The following RPSA2 variants were observed in gnomAD, a reference collection of about 807,000 sequenced individuals.
RPSA2 encodes the protein ribosomal protein SA 2, also known as small ribosomal subunit protein uS2B.
the RPSA2 span, among the ~76,000 whole-genome samples, chr19:23,769,125 C>T: frequency 6.6e-6 from 1 of 152,232 alleles, no homozygotes; most frequent in Non-Finnish European, 1.5e-5. Flanking sequence ...CTGTGTGACT[C>T]TCTTCTCCCT....
At chr19:23,829,966 G>A in the RPSA2 span, among the ~76,000 whole-genome samples, 1 of 151,486 alleles carries the variant, frequency 6.6e-6, no homozygotes, top group Admixed American at 6.6e-5. Context: ...GTTATTTTCA[G>A]TAAAAGGAAC....
chr19:23,823,887 C>T, the RPSA2 span: 1 of 152,372 alleles, frequency 6.6e-6, no homozygotes, highest in Middle Eastern at 3.4e-3. Context: ...ATGGGTCTCT[C>T]CTGGCTTGGG....
chr19:23,822,176 G>T, the RPSA2 span, among the ~76,000 whole-genome samples: 1 of 152,148 alleles, frequency 6.6e-6, no homozygotes, highest in South Asian at 2.1e-4. Flanking sequence ...TCCTTATATT[G>T]ATTGCCTTTT....
At chr19:23,851,117 A>AG in the RPSA2 span, among the ~76,000 whole-genome samples, 1 of 152,210 alleles carries the variant, frequency 6.6e-6, no homozygotes, top group African/African-American at 2.4e-5. Flanking sequence ...CAAGTAGCCC[A>AG]AATAAAGCCT....
chr19:23,828,097 A>T, the RPSA2 span: 21 of 596,316 alleles, frequency 3.5e-5, no homozygotes, highest in East Asian at 5.6e-4. Context: ...TGGTTGATGG[A>T]AAATAAACAT....
the RPSA2 span, among the ~76,000 whole-genome samples, chr19:23,809,998 T>C: frequency 6.6e-6 from 1 of 151,842 alleles, no homozygotes; most frequent in South Asian, 2.1e-4. Context: ...GCCCCCCCAA[T>C]GTGATAGAAT....
At chr19:23,761,245 AATTTT>A in the RPSA2 span, among the ~76,000 whole-genome samples, 2 of 151,872 alleles carry the variant, frequency 1.3e-5, no homozygotes, top group African/African-American at 4.8e-5. Context: ...ACACAAGGCC[AATTTT>A]CTAAATTTTT....
chr19:23,846,999 T>G, the RPSA2 span, among the ~76,000 whole-genome samples: 1 of 152,178 alleles, frequency 6.6e-6, no homozygotes, highest in African/African-American at 2.4e-5. Context: ...TGATAATTTT[T>G]GTTTAGTCAC....
At chr19:23,764,860 A>T in the RPSA2 span, among the ~76,000 whole-genome samples, 1 of 151,784 alleles carries the variant, frequency 6.6e-6, no homozygotes, top group African/African-American at 2.4e-5. Context: ...CACACACCCT[A>T]CTAGTACGTC....
the RPSA2 span, among the ~76,000 whole-genome samples, chr19:23,812,468 T>G: frequency 1.3e-5 from 2 of 149,870 alleles, no homozygotes; most frequent in East Asian, 4.0e-4. Flanking sequence ...GTATCTCGGC[T>G]CACTGCAACC....
At chr19:23,835,845 G>A in the RPSA2 span, among the ~76,000 whole-genome samples, 2 of 151,996 alleles carry the variant, frequency 1.3e-5, no homozygotes, top group Non-Finnish European at 2.9e-5. Flanking sequence ...GGTTGGTCAC[G>A]CTGGTCTCAA....
the RPSA2 span, among the ~76,000 whole-genome samples, chr19:23,836,953 G>C: frequency 2.0e-5 from 3 of 152,114 alleles, no homozygotes; most frequent in Non-Finnish European, 4.4e-5. Flanking sequence ...TCTGCTGACT[G>C]TTCCTTTTGC....
chr19:23,767,932 A>T, the RPSA2 span, among the ~76,000 whole-genome samples: 1 of 151,746 alleles, frequency 6.6e-6, no homozygotes, highest in African/African-American at 2.4e-5. Context: ...ATGCCCAGCT[A>T]ATTTTTCTAT....
chr19:23,870,049 T>C, the RPSA2 span, among the ~76,000 whole-genome samples: 74 of 152,334 alleles, frequency 4.9e-4, no homozygotes, highest in African/African-American at 1.7e-3. Context: ...TCCTGGGCTA[T>C]GGATTCTCAT....
At chr19:23,859,531 T>A in the RPSA2 span, among the ~76,000 whole-genome samples, 1 of 152,194 alleles carries the variant, frequency 6.6e-6, no homozygotes, top group Admixed American at 6.5e-5. Flanking sequence ...GGATGCTTAG[T>A]TAGGAGAATC....
the RPSA2 span, among the ~76,000 whole-genome samples, chr19:23,860,165 A>G: frequency 6.6e-6 from 1 of 152,154 alleles, no homozygotes; most frequent in Non-Finnish European, 1.5e-5. Context: ...AAAACATTTG[A>G]TGGCTCATAA....
chr19:23,832,590 C>T, the RPSA2 span: 3 of 1,207,494 alleles, frequency 2.5e-6, no homozygotes, highest in Non-Finnish European at 3.4e-6. Context: ...AGCCAGTCCC[C>T]ATACCTTACT....
chr19:23,780,906 C>A, the RPSA2 span, among the ~76,000 whole-genome samples: 2 of 152,216 alleles, frequency 1.3e-5, no homozygotes, highest in African/African-American at 4.8e-5. Context: ...TTTTGAGGTT[C>A]TGAACCTCAC....
chr19:23,846,760 C>G, the RPSA2 span, among the ~76,000 whole-genome samples: 1 of 152,140 alleles, frequency 6.6e-6, no homozygotes, highest in South Asian at 2.1e-4. Context: ...TTATAAATGA[C>G]TAGATGCTTT....
Sources: allele counts gnomAD v4.1 joint callset (sites outside exome capture counted in the v4.1 genomes callset), GRCh38; gene constraint gnomAD v4.1.1; transcripts MANE v1.5; gene names NCBI Gene and HGNC (gene_info 2026-07-23, HGNC 2026-07-21).